The following FSHR variants were observed in gnomAD, a reference collection of about 807,000 sequenced individuals.
FSHR encodes the protein follicle-stimulating hormone receptor.
In FSHR, 46 loss-of-function variants were observed where a neutral mutation model predicts 52.1. The ratio of observed to expected loss-of-function variants is 0.88; its 90% CI spans 0.70 to 1.13. The LOEUF (loss-of-function observed/expected upper bound fraction) is 1.13. Among genes scored for constraint, FSHR ranks in the 50% most tolerant of loss-of-function variants. FSHR has a pLI of 0.00. For synonymous variants in FSHR, 399 were observed against 309.6 expected (o/e 1.29, Z -3.03); for missense variants, 964 against 834.6 (o/e 1.16, Z -1.91).
intron 4 of FSHR, among the ~76,000 whole-genome samples, chr2:49,011,720 A>G (rs1026207658): frequency 6.6e-6 from 1 of 152,132 alleles, no homozygotes; most frequent in African/African-American, 2.4e-5. Context: ...TATGCAGCAA[A>G]TAAGGGAAGC....
chr2:49,044,112 G>A (rs911116457), intron 2 of FSHR, among the ~76,000 whole-genome samples: 1 of 152,162 alleles, frequency 6.6e-6, no homozygotes, highest in African/African-American at 2.4e-5. Flanking sequence ...AATCCTATCT[G>A]TTCTTTTAGC....
At chr2:49,047,380 T>C (rs1231151420) in intron 2 of FSHR, among the ~76,000 whole-genome samples, 1 of 152,202 alleles carries the variant, frequency 6.6e-6, no homozygotes, top group Non-Finnish European at 1.5e-5. Context: ...AAAAATAATC[T>C]GAGTTTTCCA....
chr2:49,099,215 C>A (rs1670937698), intron 1 of FSHR, among the ~76,000 whole-genome samples: 1 of 152,012 alleles, frequency 6.6e-6, no homozygotes, highest in Non-Finnish European at 1.5e-5. Context: ...GTGGGAGAGA[C>A]CCAGTGGAAG....
At chr2:49,054,573 A>G (rs1668985422) in intron 2 of FSHR, among the ~76,000 whole-genome samples, 1 of 152,130 alleles carries the variant, frequency 6.6e-6, no homozygotes, top group South Asian at 2.1e-4. Context: ...TGGAGCAACC[A>G]TGCACCCATG....
At chr2:49,121,133 T>C (rs1671804434) in intron 1 of FSHR, among the ~76,000 whole-genome samples, 1 of 152,198 alleles carries the variant, frequency 6.6e-6, no homozygotes, top group Admixed American at 6.5e-5. Flanking sequence ...TTATTGTGTG[T>C]TAGGGAATAA....
intron 1 of FSHR, among the ~76,000 whole-genome samples, chr2:49,115,795 G>GGA (rs1158385262): frequency 2.6e-5 from 4 of 152,120 alleles, no homozygotes; most frequent in Non-Finnish European, 5.9e-5. Flanking sequence ...GCAAAGTGCT[G>GGA]GAGCTAAAAT....
intron 4 of FSHR, among the ~76,000 whole-genome samples, chr2:49,008,534 A>T (rs1205367455): frequency 2.0e-5 from 3 of 151,822 alleles, no homozygotes; most frequent in Admixed American, 2.0e-4. Flanking sequence ...TCCCTTGGGT[A>T]TATACCCAGT....
intron 1 of FSHR, among the ~76,000 whole-genome samples, chr2:49,090,124 AGTGTGTGTGTGTGTGT>A (rs35574043): frequency 6.7e-6 from 1 of 148,778 alleles, no homozygotes; most frequent in Non-Finnish European, 1.5e-5. Flanking sequence ...AGTAAAATCG[AGTGTGTGTGTGTGTGT>A]GTGTGTGTGT....
intron 5 of FSHR, among the ~76,000 whole-genome samples, chr2:48,990,288 C>T (rs991958764): frequency 9.2e-5 from 14 of 152,114 alleles, no homozygotes; most frequent in South Asian, 2.1e-4. Flanking sequence ...GTAATTAAAG[C>T]GCTAAATAGT....
chr2:49,047,345 C>T (rs545097656), intron 2 of FSHR, among the ~76,000 whole-genome samples: 68 of 152,280 alleles, frequency 4.5e-4, no homozygotes, highest in African/African-American at 1.4e-3. Context: ...ACTGACACCT[C>T]AATTTTCAAC....
In FSHR at chr2:49,006,859, G is replaced by A. The variant is rs143940508; in HGVS notation, c.374+10630C>T. On this transcript the variant is annotated intron_variant, in intron 4 of 9. Transcript: ENST00000406846. Reference sequence around the variant, plus strand: ...TTCTCAACCACGCTTTCTAAAGCACGACTCTCTACTTTTACTACTTTATTT... The same window carrying A: ...TTCTCAACCACGCTTTCTAAAGCACAACTCTCTACTTTTACTACTTTATTT... 5.3e-5 allele frequency among the ~76,000 whole-genome samples: 8 copies of A among 152,210 alleles called. No homozygotes were observed. In the East Asian group the frequency reaches 7.7e-4, roughly 15 times the overall value.
chr2:49,154,425 C>T lies in FSHR; in HGVS notation c.-8G>A, dbSNP rs1413162720. On this transcript the variant is annotated 5_prime_UTR_variant, in exon 1 of 10. It removes an upstream start codon present in the reference 5' UTR. Transcript: ENST00000406846. ...GACCAGGAGCAGGGCCATAATTATG[C>T]ATCCATCCACCTGATTTCTTCCTGC... 1 of 1,611,946 alleles carries T rather than the reference C, an allele frequency of 6.2e-7. No homozygotes were observed. Among genetic ancestry groups the T allele is most frequent in the Non-Finnish European group, 8.5e-7 (1 of 1,179,724 alleles).
At chr2:49,136,769 A>C (rs1175532136) in intron 1 of FSHR, among the ~76,000 whole-genome samples, 24 of 152,168 alleles carry the variant, frequency 1.6e-4, no homozygotes, top group Admixed American at 1.6e-3. Context: ...CAAAAATCAC[A>C]TAATTGTCTC....
chr2:49,076,660 T>A (rs1445946967), intron 1 of FSHR, among the ~76,000 whole-genome samples: 2 of 152,282 alleles, frequency 1.3e-5, no homozygotes, highest in Admixed American at 6.5e-5. Context: ...ATCCAGAGTC[T>A]CATCTGAGAC....
intron 8 of FSHR, among the ~76,000 whole-genome samples, chr2:48,981,231 T>G (rs1363962399): frequency 6.6e-6 from 1 of 152,196 alleles, no homozygotes; most frequent in African/African-American, 2.4e-5. Context: ...AGATCATGAC[T>G]TGATATATTA....
chr2:49,001,262 ACT>A (rs542853453), intron 4 of FSHR, among the ~76,000 whole-genome samples: 148 of 152,156 alleles, frequency 9.7e-4, no homozygotes, highest in African/African-American at 3.4e-3. Context: ...ACTATTATAA[ACT>A]CTATTTTATA....
intron 1 of FSHR, among the ~76,000 whole-genome samples, chr2:49,103,137 A>C (rs185580436): frequency 6.6e-6 from 1 of 152,240 alleles, no homozygotes; most frequent in Admixed American, 6.5e-5. Flanking sequence ...TCCCCTCCCC[A>C]AAACAATTTT....
chr2:48,964,445 C>T (rs907436317), intron 9 of FSHR, among the ~76,000 whole-genome samples: 3 of 152,160 alleles, frequency 2.0e-5, no homozygotes, highest in Admixed American at 1.3e-4. Context: ...ATTAGGGGAT[C>T]AAAATCTGTA....
intron 2 of FSHR, among the ~76,000 whole-genome samples, chr2:49,050,093 T>A (rs1207603328): frequency 2.0e-5 from 3 of 151,978 alleles, no homozygotes. Context: ...ATAACAAAAA[T>A]AGTTATTTTC....
Sources: allele counts gnomAD v4.1 joint callset (sites outside exome capture counted in the v4.1 genomes callset), GRCh38; gene constraint gnomAD v4.1.1; transcripts MANE v1.5; gene names NCBI Gene and HGNC (gene_info 2026-07-23, HGNC 2026-07-21).